The following UBR7 variants were observed in gnomAD, a reference collection of about 807,000 sequenced individuals.
UBR7 encodes putative E3 ubiquitin-protein ligase UBR7.
Under a neutral mutation model 57.0 loss-of-function variants are expected in UBR7, and 22 were observed. That is an observed-to-expected ratio of 0.39 (90% confidence interval 0.28 to 0.55). UBR7 has a LOEUF of 0.55. Among genes scored for constraint, UBR7 ranks in the 20% least tolerant of loss-of-function variants. The probability of loss-of-function intolerance (pLI) is 0.69; values close to 1 mark genes in which losing one functional copy is unlikely to be tolerated. For synonymous variants in UBR7, 167 were observed against 179.8 expected (o/e 0.93, Z 0.57); for missense variants, 395 against 513.2 (o/e 0.77, Z 2.23).
In UBR7 at chr14:93,227,781, T is replaced by C. The variant is rs1348116904; in HGVS notation, c.*746T>C. 5.7e-6 allele frequency: 4 copies of C among 700,876 alleles called. No individual in the cohort carries two copies. Among genetic ancestry groups the C allele is most frequent in the Middle Eastern group, 3.7e-4 (1 of 2,738 alleles). 43.4% of individuals were successfully genotyped at this position (700,876 alleles called of 1,614,324 possible). A position where few individuals can be genotyped will look rare whatever the true frequency, so the allele number is the denominator to read the frequency against. Reference sequence around the variant, plus strand: ...TAGAATTAGAATTTCAGTACTGTAGTGCTCACAGGGCTTCCTGGAGAACAT... The same window carrying C: ...TAGAATTAGAATTTCAGTACTGTAGCGCTCACAGGGCTTCCTGGAGAACAT... On this transcript the variant is annotated 3_prime_UTR_variant, in exon 11 of 11. Coordinates refer to ENST00000013070, the MANE Select transcript of UBR7 (RefSeq NM_175748.4).
chr14:93,222,884 G>A (rs1344117164), intron 10 of UBR7, among the ~76,000 whole-genome samples: 1 of 152,174 alleles, frequency 6.6e-6, no homozygotes, highest in Admixed American at 6.5e-5. Context: ...ACCAACCCCA[G>A]CTAAGCCGGG....
chr14:93,225,652 ATAAACT>A (rs1162190796), intron 10 of UBR7, among the ~76,000 whole-genome samples: 2 of 152,182 alleles, frequency 1.3e-5, no homozygotes, highest in East Asian at 3.8e-4. Context: ...ATAATAATTA[ATAAACT>A]TAGAAACTAC....
intron 9 of UBR7, among the ~76,000 whole-genome samples, chr14:93,221,112 A>AT (rs1160957010): frequency 2.2e-3 from 304 of 136,806 alleles, no homozygotes; most frequent in Middle Eastern, 3.7e-3. Context: ...CGCCCCCCCA[A>AT]TTTTTTTTTT....
intron 6 of UBR7, among the ~76,000 whole-genome samples, chr14:93,216,730 G>A (rs1004970191): frequency 5.3e-5 from 8 of 150,722 alleles, no homozygotes; most frequent in Non-Finnish European, 8.9e-5. Context: ...TTCTTGTGAC[G>A]CGGCTTCCAG....
In UBR7 at chr14:93,223,828, C is replaced by T. The variant is rs112222529; in HGVS notation, c.1185+1454C>T. On this transcript the variant is annotated intron_variant, in intron 10 of 10. Coordinates refer to ENST00000013070, the MANE Select transcript of UBR7 (RefSeq NM_175748.4). ...CTCGGTAGCACTGGGTAACAGCGCC[C>T]GCGGTGGTCAGGTCCCGGTATTCCC... is the stretch of plus-strand genomic sequence containing the variant. 7,177 of 748,122 alleles carry T rather than the reference C, an allele frequency of 9.6e-3. 362 individuals are homozygous for T. In the African/African-American group the frequency reaches 0.11, roughly 11 times the overall value. 46.3% of individuals were successfully genotyped at this position (748,122 alleles called of 1,614,324 possible). A position where few individuals can be genotyped will look rare whatever the true frequency, so the allele number is the denominator to read the frequency against.
chr14:93,222,119 A>C (rs1161164830), intron 9 of UBR7, among the ~76,000 whole-genome samples, 194 bp from the exon 10 acceptor site: 3 of 147,212 alleles, frequency 2.0e-5, no homozygotes, highest in Admixed American at 2.0e-4. Flanking sequence ...TTTTTTTTTT[A>C]ATGAAAAAGG....
In UBR7 at chr14:93,220,306, G is replaced by A. The variant is rs748590673; in HGVS notation, c.1018G>A (p.Ala340Thr). 1 of 1,611,936 alleles carries A rather than the reference G, an allele frequency of 6.2e-7. No individual in the cohort carries two copies. Among genetic ancestry groups the A allele is most frequent in the Non-Finnish European group, 8.5e-7 (1 of 1,179,792 alleles). The change falls in exon 9 of 11, where the codon GCT becomes ACT. Residue 340 changes from alanine (A) to threonine (T), a missense_variant. Physicochemically the swap from Ala to Thr is moderately conservative, Grantham distance 58 (BLOSUM62 0). Transcript: ENST00000013070. ...FLTDEYDTVL[A>T]YENKGKIAQA... ...GACAGATGAATACGACACAGTTCTGGCTTATGAAAACAAAGGGAAGATTGC... is the reference window on the plus strand; with the variant it reads ...GACAGATGAATACGACACAGTTCTGACTTATGAAAACAAAGGGAAGATTGC...
chr14:93,222,374 G>C lies in UBR7; in HGVS notation c.1185G>C (p.Thr395=), dbSNP rs1455748657. Residue 395 remains threonine (T), a splice_region_variant and synonymous_variant, in exon 10 of 11, where the codon ACG becomes ACC. Transcript: ENST00000013070. ...TCAAGAGATTTGCTGATGAAGGCAC[G>C]GTATGTTGAGTTAAAGAATTCTAAT... The part of the protein sequence containing the change: ...DYLKRFADEG[T]VVKREDIQQF... 1.3e-6 allele frequency: 2 copies of C among 1,596,574 alleles called. No homozygotes were observed. The highest frequency in any genetic ancestry group is 1.7e-6 in the Non-Finnish European group (2 of 1,164,202).
intron 10 of UBR7, 113 bp downstream of exon 10, chr14:93,222,487 G>A (rs1460637978): frequency 5.6e-5 from 45 of 796,702 alleles, no homozygotes; most frequent in Non-Finnish European, 7.4e-5. Context: ...GCTCACACCT[G>A]TAATCCCAGT....
At chr14:93,226,921 A>C in intron 10 of UBR7, 22 bp from the exon 11 acceptor site, 1 of 1,582,312 alleles carries the variant, frequency 6.3e-7, no homozygotes, top group Non-Finnish European at 8.7e-7. Flanking sequence ...TCTCTTTCAT[A>C]ATCTTTGCTT....
chr14:93,213,074 G>A (rs1451691993), intron 4 of UBR7, among the ~76,000 whole-genome samples: 1 of 152,100 alleles, frequency 6.6e-6, no homozygotes, highest in African/African-American at 2.4e-5. Context: ...TGGGGCAGAG[G>A]TTGCAGTAAG....
intron 10 of UBR7, among the ~76,000 whole-genome samples, chr14:93,226,643 A>C (rs1356537127): frequency 1.3e-5 from 2 of 152,038 alleles, no homozygotes; most frequent in African/African-American, 4.8e-5. Flanking sequence ...ACAAAAAAAA[A>C]TTAGCCGGGC....
intron 9 of UBR7, among the ~76,000 whole-genome samples, 170 bp downstream of exon 9, chr14:93,220,581 A>T (rs1441916444): frequency 6.6e-6 from 1 of 152,208 alleles, no homozygotes; most frequent in African/African-American, 2.4e-5. Context: ...TTTACCATTG[A>T]ATCAGAGTTA....
chr14:93,209,976 T>G lies in UBR7; in HGVS notation c.284+19T>G, dbSNP rs748804600. 10 of 1,613,312 alleles carry G rather than the reference T, an allele frequency of 6.2e-6. No individual in the cohort carries two copies. The East Asian group carries it at 2.2e-4, about 36-fold the overall frequency. On this transcript the variant is annotated intron_variant, in intron 2 of 10. Transcript: ENST00000013070. ...CAAAAAGGTAAACATAGTCAAGAGA[T>G]TGTTACTAAATGCTTTTGAAGTATA...
intron 3 of UBR7, among the ~76,000 whole-genome samples, chr14:93,210,962 G>C (rs1894469985): frequency 6.6e-6 from 1 of 152,154 alleles, no homozygotes; most frequent in African/African-American, 2.4e-5. Context: ...TAATTATATT[G>C]GTTGTACTTA....
At chr14:93,215,075 C>A (rs2140100983) in intron 5 of UBR7, 93 bp downstream of exon 5, 1 of 1,413,004 alleles carries the variant, frequency 7.1e-7, no homozygotes, top group East Asian at 2.5e-5. Flanking sequence ...AAAATAAATT[C>A]TAATGATATG....
Position 93,220,377 on chromosome 14 carries a change from C to G in UBR7, c.1089C>G (p.Ser363Arg). ...RSDPLMDTLS[S>R]MNRVQQVELI... Reference sequence around the variant, plus strand: ...ATCCCCTAATGGATACCCTTAGCAGCATGAATAGAGTCCAGCAAGTGGAAC... The same window carrying G: ...ATCCCCTAATGGATACCCTTAGCAGGATGAATAGAGTCCAGCAAGTGGAAC... Residue 363 changes from serine to arginine, a missense_variant, in exon 9 of 11, where the codon AGC becomes AGG. By Grantham distance (110) the Ser-to-Arg change is moderately radical (BLOSUM62 -1). Coordinates refer to ENST00000013070, the MANE Select transcript of UBR7 (RefSeq NM_175748.4). 2.5e-6 allele frequency: 4 copies of G among 1,613,918 alleles called. No homozygotes were observed. In the East Asian group the frequency reaches 6.7e-5, roughly 27 times the overall value.
chr14:93,221,027 C>T (rs1047175712), intron 9 of UBR7, among the ~76,000 whole-genome samples: 1 of 152,080 alleles, frequency 6.6e-6, no homozygotes, highest in African/African-American at 2.4e-5. Flanking sequence ...CTCACTGCAA[C>T]CTCTGCTGCC....
chr14:93,224,091 G>A (rs1472188077), intron 10 of UBR7: 2 of 993,666 alleles, frequency 2.0e-6, no homozygotes, highest in Non-Finnish European at 3.1e-6. Flanking sequence ...GGGGTGGGCA[G>A]GCAGTGACCC....
Sources: allele counts gnomAD v4.1 joint callset (sites outside exome capture counted in the v4.1 genomes callset), GRCh38; gene constraint gnomAD v4.1.1; transcripts MANE v1.5; gene names NCBI Gene and HGNC (gene_info 2026-07-23, HGNC 2026-07-21).